MAPK8: variants seen among roughly 807,000 people sequenced by gnomAD.
MAPK8 encodes JUN N-terminal kinase.
MAPK8 carries 13 observed loss-of-function variants against 52.9 expected under a neutral mutation model. That is an observed-to-expected ratio of 0.25 (90% CI 0.16 to 0.39). The LOEUF (loss-of-function observed/expected upper bound fraction) is 0.39, where lower values mean the gene tolerates loss of function less well. MAPK8 is among the 10% of genes least tolerant of loss of function. The pLI is 1.00. For synonymous variants in MAPK8, 191 were observed against 169.8 expected, an observed-to-expected ratio of 1.12 and a Z score of -0.97; for missense variants, 300 against 519.2, an observed-to-expected ratio of 0.58 and a Z score of 4.10.
At chr10:48,424,198 A>G in intron 7 of MAPK8, 39 bp downstream of exon 7, 1 of 1,530,304 alleles carries the variant, frequency 6.5e-7, no homozygotes, top group Non-Finnish European at 9.0e-7. Context: ...TAGTTAGGCG[A>G]TGAACTTCTT....
chr10:48,321,063 ATTTATC>A (rs1189322036), intron 1 of MAPK8, among the ~76,000 whole-genome samples: 1 of 74,108 alleles, frequency 1.3e-5, no homozygotes, highest in African/African-American at 5.3e-5. Flanking sequence ...AAATTGAGTT[ATTTATC>A]TTTTTATTAC....
chr10:48,413,063 G>C (rs1180662858), intron 5 of MAPK8, among the ~76,000 whole-genome samples: 1 of 152,098 alleles, frequency 6.6e-6, no homozygotes, highest in Non-Finnish European at 1.5e-5. Flanking sequence ...CTTGCAACTG[G>C]CTTATTTCAC....
chr10:48,355,451 G>C (rs2132475156), intron 1 of MAPK8, among the ~76,000 whole-genome samples: 1 of 149,446 alleles, frequency 6.7e-6, no homozygotes, highest in East Asian at 2.0e-4. Flanking sequence ...GGAGCTTGCA[G>C]TGAGCCGAGA....
At chr10:48,406,061 G>A (rs1321805105) in intron 3 of MAPK8, among the ~76,000 whole-genome samples, 2 of 152,154 alleles carry the variant, frequency 1.3e-5, no homozygotes, top group Non-Finnish European at 1.5e-5. Context: ...AAAGAGGGAC[G>A]ATTTCTGTGA....
chr10:48,313,297 G>A (rs1042874109), intron 1 of MAPK8, among the ~76,000 whole-genome samples: 1 of 152,092 alleles, frequency 6.6e-6, no homozygotes, highest in African/African-American at 2.4e-5. Context: ...GCTGGGCGTG[G>A]TAGCGTACGC....
chr10:48,412,626 A>G (rs1189568961), intron 5 of MAPK8, among the ~76,000 whole-genome samples: 1 of 152,150 alleles, frequency 6.6e-6, no homozygotes, highest in Non-Finnish European at 1.5e-5. Context: ...TGCCTTAACC[A>G]TGTTTTCAAG....
intron 1 of MAPK8, among the ~76,000 whole-genome samples, chr10:48,338,411 G>A (rs1844905281): frequency 7.2e-6 from 1 of 138,952 alleles, no homozygotes; most frequent in Non-Finnish European, 1.5e-5. Flanking sequence ...AACAACCTAG[G>A]CATCAGAGGA....
intron 1 of MAPK8, among the ~76,000 whole-genome samples, chr10:48,350,415 C>T (rs1362101915): frequency 1.3e-5 from 2 of 152,180 alleles, no homozygotes; most frequent in Non-Finnish European, 1.5e-5. Flanking sequence ...AAAAGCTTAT[C>T]CACCATGATC....
intron 1 of MAPK8, among the ~76,000 whole-genome samples, chr10:48,332,206 T>TA (rs1844222026): frequency 6.6e-6 from 1 of 152,196 alleles, no homozygotes; most frequent in Non-Finnish European, 1.5e-5. Flanking sequence ...CACCAGTAAA[T>TA]ATATCAGTCT....
intron 1 of MAPK8, among the ~76,000 whole-genome samples, chr10:48,316,518 G>A (rs994447080): frequency 6.6e-6 from 1 of 152,180 alleles, no homozygotes; most frequent in Non-Finnish European, 1.5e-5. Context: ...GGCAGCTCCC[G>A]GAAATATAAT....
At chr10:48,386,026 G>C (rs188878689) in intron 1 of MAPK8, among the ~76,000 whole-genome samples, 2 of 151,990 alleles carry the variant, frequency 1.3e-5, no homozygotes, top group Non-Finnish European at 2.9e-5. Flanking sequence ...AGTATATGTG[G>C]TATCAACTAA....
intron 1 of MAPK8, among the ~76,000 whole-genome samples, chr10:48,317,309 G>A (rs1204524685): frequency 6.6e-6 from 1 of 152,144 alleles, no homozygotes; most frequent in African/African-American, 2.4e-5. Context: ...AGCCTCCCGA[G>A]TAGCTGGGAC....
chr10:48,398,506 AATG>A (rs1418691901), intron 1 of MAPK8, among the ~76,000 whole-genome samples: 3 of 152,224 alleles, frequency 2.0e-5, no homozygotes, highest in Non-Finnish European at 4.4e-5. Flanking sequence ...GCAAATGAAA[AATG>A]ATATGGCCTC....
At chr10:48,344,955 G>C (rs1845624646) in intron 1 of MAPK8, among the ~76,000 whole-genome samples, 1 of 151,932 alleles carries the variant, frequency 6.6e-6, no homozygotes, top group Non-Finnish European at 1.5e-5. Context: ...CTTTCTAAAA[G>C]AAAATCATCT....
intron 1 of MAPK8, among the ~76,000 whole-genome samples, chr10:48,346,304 A>C (rs944950750): frequency 1.3e-5 from 2 of 152,184 alleles, no homozygotes; most frequent in Non-Finnish European, 2.9e-5. Flanking sequence ...GATAATCCTC[A>C]CTCTATAATC....
At chr10:48,416,290 A>G (rs2043061637) in intron 5 of MAPK8, among the ~76,000 whole-genome samples, 1 of 152,156 alleles carries the variant, frequency 6.6e-6, no homozygotes, top group South Asian at 2.1e-4. Context: ...ATGTGCATGG[A>G]TGGCTCTTCT....
chr10:48,331,200 C>G (rs1370565226), intron 1 of MAPK8, among the ~76,000 whole-genome samples: 1 of 152,158 alleles, frequency 6.6e-6, no homozygotes, highest in Non-Finnish European at 1.5e-5. Context: ...GGCAAAGGTA[C>G]TTATCTGCCT....
At chr10:48,321,452 C>G (rs1465666576) in intron 1 of MAPK8, among the ~76,000 whole-genome samples, 2 of 152,110 alleles carry the variant, frequency 1.3e-5, no homozygotes, top group South Asian at 4.1e-4. Context: ...ATATTTTCTC[C>G]TGTTTCAGAG....
chr10:48,426,142 A>G (rs1028990960), intron 8 of MAPK8, 72 bp downstream of exon 8: 47 of 1,266,438 alleles, frequency 3.7e-5, no homozygotes, highest in Middle Eastern at 1.9e-4. Flanking sequence ...TTGTGTGTTT[A>G]TATGTATTCA....
Sources: allele counts gnomAD v4.1 joint callset (sites outside exome capture counted in the v4.1 genomes callset), GRCh38; gene constraint gnomAD v4.1.1; transcripts MANE v1.5; gene names NCBI Gene and HGNC (gene_info 2026-07-23, HGNC 2026-07-21).